Variants in PLD1 observed in about 807,000 individuals in gnomAD.
PLD1 encodes the protein phospholipase D1.
PLD1 carries 112 observed loss-of-function variants against 137.1 expected under a neutral mutation model. The ratio of observed to expected loss-of-function variants is 0.82; its 90% confidence interval spans 0.70 to 0.96. The LOEUF is 0.96. PLD1 is among the 40% of genes least tolerant of loss of function. The pLI, the probability that PLD1 is intolerant of heterozygous loss-of-function variation, is 0.00. For missense variants in PLD1, 1,321 were observed against 1,342.0 expected (o/e 0.98, Z 0.24); for synonymous variants, 431 against 454.7 (o/e 0.95, Z 0.66).
chr3:171,785,108 C>T (rs780149149), intron 1 of PLD1, among the ~76,000 whole-genome samples: 2 of 152,190 alleles, frequency 1.3e-5, no homozygotes, highest in Non-Finnish European at 2.9e-5. Context: ...TTGTGGGATA[C>T]TGCCAAAGTA....
At chr3:171,728,901 A>AT (rs2108248260) in intron 6 of PLD1, among the ~76,000 whole-genome samples, 2 of 151,612 alleles carry the variant, frequency 1.3e-5, no homozygotes, top group South Asian at 4.2e-4. Flanking sequence ...CTGGAGAGAG[A>AT]TTTCCAGAAG....
In PLD1 at chr3:171,601,052, T is replaced by C. The variant is rs1385880771; in HGVS notation, c.*2026A>G. ...ACAGCTTAGAGGTATCTTGCCTGAA[T>C]TCTGTTTACTGCATATCCTCATTCT... On this transcript the variant is annotated 3_prime_UTR_variant, in exon 27 of 27. Coordinates refer to ENST00000351298, the MANE Select transcript of PLD1 (RefSeq NM_002662.5). 1.3e-5 allele frequency: 2 copies of C among 152,150 alleles called. No individual in the cohort carries two copies. The highest frequency in any genetic ancestry group is 2.4e-5 in the African/African-American group (1 of 41,430). 9.4% of individuals were successfully genotyped at this position (152,150 alleles called of 1,614,324 possible).
intron 21 of PLD1, chr3:171,654,066 C>T (rs9882439): frequency 1.9e-3 from 729 of 379,880 alleles, no homozygotes; most frequent in African/African-American, 0.014. Context: ...TTTGGGAGGC[C>T]GAGGTGGGCG....
At chr3:171,680,166 T>G (rs1336999842) in intron 16 of PLD1, among the ~76,000 whole-genome samples, 1 of 151,994 alleles carries the variant, frequency 6.6e-6, no homozygotes, top group Non-Finnish European at 1.5e-5. Context: ...AGCCTATCCT[T>G]GTTCTTCTTT....
chr3:171,729,463 C>G (rs553984957), intron 6 of PLD1, among the ~76,000 whole-genome samples: 1 of 152,286 alleles, frequency 6.6e-6, no homozygotes, highest in South Asian at 2.1e-4. Flanking sequence ...TACACACTGC[C>G]CCTTCCACCC....
At chr3:171,651,845 T>C (rs529724632) in intron 21 of PLD1, among the ~76,000 whole-genome samples, 14 of 152,308 alleles carry the variant, frequency 9.2e-5, no homozygotes, top group Non-Finnish European at 1.8e-4. Flanking sequence ...AGTCTCCTTC[T>C]TCCTTCCTCT....
At chr3:171,623,565 G>A (rs1358389352) in intron 23 of PLD1, among the ~76,000 whole-genome samples, 7 of 150,892 alleles carry the variant, frequency 4.6e-5, no homozygotes, top group African/African-American at 7.3e-5. Context: ...CTCGTGATCC[G>A]CCCACCTCGG....
Position 171,738,030 on chromosome 3 carries a change from G to A in PLD1, c.22C>T (p.Arg8Trp), listed in dbSNP as rs771670632. MSLKNEP[R>W]VNTSALQKIA... is the part of the protein sequence containing the mutation. ...TTCTGCAGTGCAGAGGTATTTACCC[G>A]TGGCTCGTTTTTCAGTGACATGTTA... The change falls in exon 2 of 27, where the codon CGG (arginine) becomes TGG (tryptophan). Residue 8 changes from arginine to tryptophan, a missense_variant. Physicochemically the swap from Arg to Trp is moderately radical, Grantham distance 101. Coordinates refer to ENST00000351298, the MANE Select transcript of PLD1 (RefSeq NM_002662.5). 26 of 1,612,826 alleles carry A rather than the reference G, an allele frequency of 1.6e-5. No homozygotes were observed. The highest frequency in any genetic ancestry group is 3.3e-5 in the Admixed American group (2 of 59,732).
At chr3:171,709,805 T>C (rs1380197076) in intron 9 of PLD1, 96 bp from the exon 10 acceptor site, 2 of 1,095,422 alleles carry the variant, frequency 1.8e-6, no homozygotes, top group South Asian at 1.8e-5. Flanking sequence ...AACTGAAAAT[T>C]TGAGGCAAAG....
intron 21 of PLD1, among the ~76,000 whole-genome samples, chr3:171,647,014 T>C (rs1250845063): frequency 6.6e-6 from 1 of 152,256 alleles, no homozygotes; most frequent in East Asian, 1.9e-4. Context: ...AGAGTTGTTT[T>C]ATTCTTGCCT....
intron 1 of PLD1, among the ~76,000 whole-genome samples, chr3:171,760,732 C>G (rs1439359016): frequency 6.6e-6 from 1 of 152,120 alleles, no homozygotes; most frequent in Non-Finnish European, 1.5e-5. Flanking sequence ...CTGAGTCAGC[C>G]TAGGATGGGA....
intron 12 of PLD1, among the ~76,000 whole-genome samples, chr3:171,694,245 A>T (rs867397411): frequency 5.9e-5 from 9 of 152,088 alleles, no homozygotes; most frequent in Admixed American, 1.3e-4. Flanking sequence ...AAAAAGCAGG[A>T]TCAAGAAGAA....
chr3:171,791,512 A>G (rs576091512), intron 1 of PLD1, among the ~76,000 whole-genome samples: 100 of 152,300 alleles, frequency 6.6e-4, no homozygotes, highest in African/African-American at 2.3e-3. Flanking sequence ...ACTGCCTGAC[A>G]CACTAGGCAG....
intron 5 of PLD1, 144 bp from the exon 6 acceptor site, chr3:171,733,653 G>T: frequency 1.8e-6 from 1 of 543,576 alleles, no homozygotes; most frequent in Non-Finnish European, 3.2e-6. Context: ...CATGGAGCAA[G>T]GAATCCTGAA....
intron 23 of PLD1, among the ~76,000 whole-genome samples, chr3:171,625,542 G>A (rs541341906): frequency 8.5e-5 from 13 of 152,364 alleles, no homozygotes; most frequent in African/African-American, 3.1e-4. Flanking sequence ...AGAACGGGCA[G>A]ACTGCCTCAA....
intron 23 of PLD1, among the ~76,000 whole-genome samples, chr3:171,639,969 GTATTC>G: frequency 6.6e-6 from 1 of 150,376 alleles, no homozygotes; most frequent in African/African-American, 2.4e-5. Flanking sequence ...ACTGTTCATA[GTATTC>G]TACACTCCAT....
At position 171,708,789 on chromosome 3, in the gene PLD1, C is replaced by T; in HGVS notation, c.1111G>A (p.Glu371Lys). The T allele has an allele frequency of 6.2e-7, 1 of 1,604,542 alleles. No individual in the cohort carries two copies. Among genetic ancestry groups the T allele is most frequent in the Admixed American group, 1.7e-5 (1 of 60,018 alleles). Residue 371 changes from glutamate to lysine, a missense_variant, in exon 11 of 27, where the codon GAG becomes AAG. Glu to Lys is a moderately conservative substitution (Grantham distance 56). Transcript: ENST00000351298. ...GTGATAAAAATCTCTTCATTTGCCT[C>T]TTCCATTGCATTTGCCACATCTTCA... is the stretch of plus-strand genomic sequence containing the variant. ...YFEDVANAME[E>K]ANEEIFITDW...
intron 1 of PLD1, among the ~76,000 whole-genome samples, chr3:171,747,566 G>A (rs976056778): frequency 1.3e-5 from 2 of 151,680 alleles, no homozygotes; most frequent in African/African-American, 4.9e-5. Flanking sequence ...AGCTAGGATA[G>A]TGTTAGAACC....
intron 23 of PLD1, among the ~76,000 whole-genome samples, chr3:171,623,892 A>T (rs1733856587): frequency 6.6e-6 from 1 of 152,090 alleles, no homozygotes; most frequent in Non-Finnish European, 1.5e-5. Flanking sequence ...CAAATGGATC[A>T]GAGATAAAAA....
Sources: allele counts gnomAD v4.1 joint callset (sites outside exome capture counted in the v4.1 genomes callset), GRCh38; gene constraint gnomAD v4.1.1; transcripts MANE v1.5; gene names NCBI Gene and HGNC (gene_info 2026-07-23, HGNC 2026-07-21).